Variants in KCNIP4 observed in about 807,000 individuals in gnomAD.
KCNIP4 encodes Kv channel-interacting protein 4.
A neutral mutation model predicts 34.0 loss-of-function variants in KCNIP4; 12 were observed. That is an observed-to-expected ratio of 0.35 (90% CI 0.23 to 0.57). KCNIP4 has a LOEUF of 0.57. Ranked by LOEUF, KCNIP4 falls within the 20% of genes least tolerant of loss-of-function variation. The pLI, the probability that KCNIP4 is intolerant of heterozygous loss-of-function variation, is 0.83. For synonymous variants in KCNIP4, 124 were observed against 102.2 expected, an observed-to-expected ratio of 1.21 and a Z score of -1.29; for missense variants, 238 against 311.7, an observed-to-expected ratio of 0.76 and a Z score of 1.78.
At chr4:21,179,115 C>A (rs1276401327) in intron 1 of KCNIP4, among the ~76,000 whole-genome samples, 1 of 152,192 alleles carries the variant, frequency 6.6e-6, no homozygotes, top group Non-Finnish European at 1.5e-5. Flanking sequence ...CCACGCCCAG[C>A]AAACATCTAT....
intron 1 of KCNIP4, among the ~76,000 whole-genome samples, chr4:21,524,377 C>T (rs1316373155): frequency 6.6e-6 from 1 of 152,120 alleles, no homozygotes; most frequent in East Asian, 1.9e-4. Flanking sequence ...TATTGTGTGT[C>T]CCCTAGACAT....
At chr4:21,714,790 T>TCAA (rs1491259918) in intron 1 of KCNIP4, among the ~76,000 whole-genome samples, 1 of 260 alleles carries the variant, frequency 3.8e-3, no homozygotes, top group Non-Finnish European at 6.3e-3. Context: ...CCTTTGATTA[T>TCAA]TTTATTTTAT....
intron 1 of KCNIP4, among the ~76,000 whole-genome samples, chr4:21,589,325 C>A (rs898978404): frequency 2.2e-5 from 3 of 135,948 alleles, no homozygotes; most frequent in Non-Finnish European, 3.1e-5. Flanking sequence ...TGTACATATA[C>A]ACGTGTATAT....
intron 1 of KCNIP4, among the ~76,000 whole-genome samples, chr4:21,543,164 A>C (rs1379552535): frequency 6.6e-6 from 1 of 152,096 alleles, no homozygotes. Context: ...ATGTTTATCA[A>C]CTCTGTGATA....
chr4:21,237,478 A>C lies in KCNIP4; in HGVS notation c.62-354769T>G, dbSNP rs191066918. Reference sequence around the variant, plus strand: ...GTCCTATCAAGCCCTCACACATTAAAAGTAGCTGCCTGTTAAAGAAGAAAA... The same window carrying C: ...GTCCTATCAAGCCCTCACACATTAACAGTAGCTGCCTGTTAAAGAAGAAAA... On this transcript the variant is annotated intron_variant, in intron 1 of 8. Transcript: ENST00000382152. 1.4e-4 allele frequency among the ~76,000 whole-genome samples: 22 copies of C among 152,220 alleles called. No individual in the cohort carries two copies. The East Asian group carries it at 4.2e-3, about 29-fold the overall frequency.
intron 1 of KCNIP4, among the ~76,000 whole-genome samples, chr4:20,934,533 C>T (rs1730839181): frequency 6.6e-6 from 1 of 152,162 alleles, no homozygotes; most frequent in Non-Finnish European, 1.5e-5. Flanking sequence ...TTATTTCACT[C>T]ACCCTTAAAT....
intron 1 of KCNIP4, among the ~76,000 whole-genome samples, chr4:21,271,588 C>T (rs1421146437): frequency 6.6e-6 from 1 of 152,080 alleles, no homozygotes; most frequent in African/African-American, 2.4e-5. Flanking sequence ...AAAGAGGCCT[C>T]TGGGGGACTG....
intron 1 of KCNIP4, among the ~76,000 whole-genome samples, chr4:21,861,478 C>A (rs1216912530): frequency 6.6e-5 from 10 of 151,870 alleles, no homozygotes; most frequent in Non-Finnish European, 1.3e-4. Context: ...ATGGTGAAAC[C>A]CCATCTCTAT....
chr4:21,447,747 T>C (rs1728154504), intron 1 of KCNIP4, among the ~76,000 whole-genome samples: 2 of 152,138 alleles, frequency 1.3e-5, no homozygotes, highest in South Asian at 4.1e-4. Flanking sequence ...AAATATCTTA[T>C]TATGTTGTAC....
At chr4:20,796,322 T>C (rs1430918088) in intron 3 of KCNIP4, among the ~76,000 whole-genome samples, 3 of 152,198 alleles carry the variant, frequency 2.0e-5, no homozygotes, top group African/African-American at 7.2e-5. Flanking sequence ...GCTTGTTTGT[T>C]TTTTGAGACA....
At chr4:20,741,773 A>C (rs181273007) in intron 5 of KCNIP4, among the ~76,000 whole-genome samples, 2,554 of 152,302 alleles carry the variant, frequency 0.017, 64 homozygotes, top group African/African-American at 0.059. Flanking sequence ...AAATCAATGA[A>C]TCCAGGAGCT....
At chr4:21,235,952 A>G (rs922195515) in intron 1 of KCNIP4, among the ~76,000 whole-genome samples, 1 of 152,134 alleles carries the variant, frequency 6.6e-6, no homozygotes, top group Non-Finnish European at 1.5e-5. Flanking sequence ...TCAGTTGGAA[A>G]TATGTATAGG....
chr4:20,782,449 A>G (rs1756955847), intron 3 of KCNIP4, among the ~76,000 whole-genome samples: 1 of 152,194 alleles, frequency 6.6e-6, no homozygotes, highest in African/African-American at 2.4e-5. Context: ...ACATCCAGGC[A>G]TTTCCATACA....
At chr4:20,771,818 C>T (rs1009701481) in intron 3 of KCNIP4, among the ~76,000 whole-genome samples, 1 of 152,014 alleles carries the variant, frequency 6.6e-6, no homozygotes, top group African/African-American at 2.4e-5. Context: ...TACAGGCACC[C>T]GCCACCAAGC....
intron 1 of KCNIP4, among the ~76,000 whole-genome samples, chr4:21,756,844 C>T (rs1194167002): frequency 2.0e-5 from 3 of 151,904 alleles, no homozygotes; most frequent in Non-Finnish European, 4.4e-5. Context: ...CGCCTGTAAT[C>T]CCAGCACTTT....
rs6842226 is a variant in KCNIP4, at chr4:21,942,720, T to C, written c.61+5851A>G. On this transcript the variant is annotated intron_variant, in intron 1 of 8. Coordinates refer to ENST00000382152, the MANE Select transcript of KCNIP4 (RefSeq NM_025221.6). ...CATGGGACAACGTGATTTAATTCAA[T>C]CAATATGTTTAAATATCTACTAGTT... Among the ~76,000 whole-genome samples the C allele has an allele frequency of 8.4e-3, 1,284 of 152,332 alleles. 15 individuals carry two copies. Among genetic ancestry groups the C allele is most frequent in the African/African-American group, 0.029 (1,201 of 41,574 alleles).
At chr4:21,515,660 TTGAG>T (rs1734697435) in intron 1 of KCNIP4, among the ~76,000 whole-genome samples, 1 of 151,976 alleles carries the variant, frequency 6.6e-6, no homozygotes, top group South Asian at 2.1e-4. Context: ...AAGTAGGAAC[TTGAG>T]TAATTAGATC....
In KCNIP4 at chr4:20,922,547, G is replaced by GTCTATCTATCTATCTA. The variant is rs1553916287; in HGVS notation, c.62-39854_62-39839dup. Among the ~76,000 whole-genome samples, 329 of 129,508 alleles carry GTCTATCTATCTATCTA rather than the reference G, an allele frequency of 2.5e-3. 2 individuals are homozygous for GTCTATCTATCTATCTA. Among genetic ancestry groups the GTCTATCTATCTATCTA allele is most frequent in the African/African-American group, 7.8e-3 (274 of 35,016 alleles). The allele number at this position is 129,508 out of a possible 152,430, so 85.0% of individuals were successfully genotyped here. A position where few individuals can be genotyped will look rare whatever the true frequency, so the allele number is the denominator to read the frequency against. Reference sequence around the variant, plus strand: ...TGTCTGTCTGTCTGTCTGTCTGTCTGTCTATCTATCTATCTATCTATCTAT... The same window carrying GTCTATCTATCTATCTA: ...TGTCTGTCTGTCTGTCTGTCTGTCTGTCTATCTATCTATCTATCTATCTATCTATCTATCTATCTAT... On this transcript the variant is annotated intron_variant, in intron 1 of 8. Coordinates refer to ENST00000382152, the MANE Select transcript of KCNIP4 (RefSeq NM_025221.6).
intron 1 of KCNIP4, among the ~76,000 whole-genome samples, chr4:21,392,451 A>C (rs1722646810): frequency 6.6e-6 from 1 of 152,204 alleles, no homozygotes; most frequent in South Asian, 2.1e-4. Context: ...TCAAGATGGC[A>C]CTTTAGGAGT....
Sources: gnomAD v4.1 joint callset for allele counts (sites outside exome capture counted in the v4.1 genomes callset) on GRCh38, gnomAD v4.1.1 for gene constraint, MANE v1.5 for transcripts, NCBI Gene and HGNC (gene_info 2026-07-23, HGNC 2026-07-21) for gene names.